Variants in ADAMTS7 observed in about 807,000 individuals in gnomAD.
ADAMTS7 encodes ADAM metallopeptidase with thrombospondin type 1 motif 7.
Under a neutral mutation model 172.6 loss-of-function variants are expected in ADAMTS7, and 89 were observed. The observed-to-expected ratio is 0.52, with a 90% CI of 0.43 to 0.61. The LOEUF (loss-of-function observed/expected upper bound fraction) is 0.61. Among genes scored for constraint, ADAMTS7 ranks in the 20% least tolerant of loss-of-function variants. The pLI is 0.00. For missense variants in ADAMTS7, 1,973 were observed against 2,355.6 expected, an observed-to-expected ratio of 0.84 and a Z score of 3.36; for synonymous variants, 885 against 978.4, an observed-to-expected ratio of 0.90 and a Z score of 1.78.
Position 78,771,566 on chromosome 15 carries a change from G to C in ADAMTS7, c.2376+19C>G, listed in dbSNP as rs1305652972. The C allele has an allele frequency of 6.3e-7, 1 of 1,586,194 alleles. No homozygotes were observed. Among genetic ancestry groups the C allele is most frequent in the Admixed American group, 1.8e-5 (1 of 57,072 alleles). ...ACTCCGCCTCTGCTCCCCCCGCCTGGGCCACGGGAGGCAGGCACCTGGATC... is the reference window on the plus strand; with the variant it reads ...ACTCCGCCTCTGCTCCCCCCGCCTGCGCCACGGGAGGCAGGCACCTGGATC... On this transcript the variant is annotated intron_variant, in intron 15 of 23. Transcript: ENST00000388820. The surrounding 1 kb of genome is among the most constrained non-coding windows in gnomAD (Gnocchi z 4.9).
rs1392835485 is a variant in ADAMTS7, at chr15:78,774,629, T to C, written c.1871A>G (p.Asn624Ser). Residue 624 changes from asparagine to serine, a missense_variant, in exon 12 of 24, where the codon AAT becomes AGT. Coordinates refer to ENST00000388820, the MANE Select transcript of ADAMTS7 (RefSeq NM_014272.5). ...GQLHTWVPVV[N>S]DVNPCELHCR... ...CCATGGGGGGCAGCACTCACCGTCA[T>C]TGACCACGGGCACCCATGTGTGCAG... 1.9e-6 allele frequency: 3 copies of C among 1,611,770 alleles called. No homozygotes were observed. The highest frequency in any genetic ancestry group is 2.5e-6 in the Non-Finnish European group (3 of 1,179,806).
At chr15:78,761,810 T>G (rs1200836297) in intron 23 of ADAMTS7, 57 of 984,040 alleles carry the variant, frequency 5.8e-5, no homozygotes, top group Non-Finnish European at 6.6e-5. Context: ...CAGAACCACC[T>G]CTACCTCAGG....
intron 19 of ADAMTS7, 83 bp from the exon 20 acceptor site, chr15:78,764,790 G>T: frequency 7.2e-7 from 1 of 1,379,910 alleles, no homozygotes; most frequent in Non-Finnish European, 9.4e-7. Flanking sequence ...ACCTAGGCTA[G>T]CGAGACCTCA....
chr15:78,776,684 G>T, intron 10 of ADAMTS7, 65 bp downstream of exon 10: 1 of 1,442,842 alleles, frequency 6.9e-7, no homozygotes. Context: ...TGACCCCAGG[G>T]CCTGGTCACA....
chr15:78,799,464 G>A (rs1281279919), intron 2 of ADAMTS7, among the ~76,000 whole-genome samples: 1 of 129,946 alleles, frequency 7.7e-6, no homozygotes, highest in Non-Finnish European at 1.9e-5. Context: ...CCAGGAAGCT[G>A]AGACCTGCTT....
At chr15:78,782,365 T>A (rs2055439681) in intron 8 of ADAMTS7, among the ~76,000 whole-genome samples, 1 of 148,900 alleles carries the variant, frequency 6.7e-6, no homozygotes, top group South Asian at 2.2e-4. Context: ...AAAACTCTTC[T>A]CTGCTTCCAA....
In ADAMTS7 at chr15:78,766,993, G is replaced by A. The variant is rs186123571; in HGVS notation, c.2918C>T (p.Thr973Ile). The A allele has an allele frequency of 1.9e-6, 3 of 1,603,098 alleles. No individual in the cohort carries two copies. Among genetic ancestry groups the A allele is most frequent in the East Asian group, 2.2e-5 (1 of 44,848 alleles). ...CTGGGCCTCGTCACAGGGGACACCG[G>A]TGTCATTGGTGCAGAGGACATTTCG... is the stretch of plus-strand genomic sequence containing the variant. Reference protein sequence around the residue: ...QRRNVLCTNDTGVPCDEAQQP... With the variant: ...QRRNVLCTNDIGVPCDEAQQP... Residue 973 changes from threonine (T) to isoleucine (I), a missense_variant, in exon 19 of 24, where the codon ACC becomes ATC. Physicochemically the swap from Thr to Ile is moderately conservative, Grantham distance 89 (BLOSUM62 -1). Coordinates refer to ENST00000388820, the MANE Select transcript of ADAMTS7 (RefSeq NM_014272.5).
At position 78,774,185 on chromosome 15, in the gene ADAMTS7, G is replaced by T; in HGVS notation, c.1992C>A (p.Cys664Ter). The T allele has an allele frequency of 6.3e-7, 1 of 1,591,846 alleles. No individual in the cohort carries two copies. The highest frequency in any genetic ancestry group is 8.5e-7 in the Non-Finnish European group (1 of 1,177,616). Residue 664 changes from cysteine to a stop codon, truncating the protein, a stop_gained, in exon 13 of 24, where the codon TGC (cysteine) becomes TGA (stop). Transcript: ENST00000388820. LOFTEE classifies it high-confidence loss of function. Reference sequence around the variant, plus strand: ...GGCACACCTTACAGATGCCGTTGATGCAGAGGTCCCGGCTGGCTCGGACCT... The same window carrying T: ...GGCACACCTTACAGATGCCGTTGATTCAGAGGTCCCGGCTGGCTCGGACCT... Reference protein sequence around the residue: ...CYQVRASRDLCINGICKNVGC... With the variant: ...CYQVRASRDL
chr15:78,765,145 G>C (rs1374646495), intron 19 of ADAMTS7: 1 of 202,212 alleles, frequency 4.9e-6, no homozygotes, highest in African/African-American at 2.3e-5. Context: ...CCAAAATTAG[G>C]GATCTGAACA....
chr15:78,806,749 TTTTTG>T lies in ADAMTS7; in HGVS notation c.100+4367_100+4371del, dbSNP rs574672115. 5.6e-3 allele frequency among the ~76,000 whole-genome samples: 847 copies of T among 152,090 alleles called. 10 individuals are homozygous for T. The highest frequency in any genetic ancestry group is 0.019 in the African/African-American group (803 of 41,504). On this transcript the variant is annotated intron_variant, in intron 1 of 23. Transcript: ENST00000388820. ...GTGGAGGCTACAACTCCAAGGCTTG[TTTTTG>T]TTTTGTTTTGTTTATGTTTTTGTTT...
At chr15:78,782,748 A>G (rs2055445915) in intron 8 of ADAMTS7, among the ~76,000 whole-genome samples, 1 of 151,916 alleles carries the variant, frequency 6.6e-6, no homozygotes, top group Non-Finnish European at 1.5e-5. Context: ...TCAGGAATGG[A>G]GTTTCCAGGG....
chr15:78,774,348 A>G (rs1171133989), intron 12 of ADAMTS7, 48 bp from the exon 13 acceptor site: 1 of 1,508,530 alleles, frequency 6.6e-7, no homozygotes, highest in East Asian at 2.4e-5. Context: ...GGGCGGGAGT[A>G]TGGAGGCCAC....
At chr15:78,801,502 G>A (rs1473822926) in intron 1 of ADAMTS7, among the ~76,000 whole-genome samples, 1 of 152,024 alleles carries the variant, frequency 6.6e-6, no homozygotes, top group South Asian at 2.1e-4. Context: ...CTCCTCTAAC[G>A]ACTTTATTTT....
intron 11 of ADAMTS7, 23 bp downstream of exon 11, chr15:78,776,165 G>C (rs113481942): frequency 1.5e-5 from 24 of 1,595,394 alleles, no homozygotes; most frequent in Non-Finnish European, 2.1e-5. Flanking sequence ...ACTGCCCAAG[G>C]GCACCCTGGG....
chr15:78,794,667 C>G (rs1297852358), intron 4 of ADAMTS7, among the ~76,000 whole-genome samples: 1 of 152,230 alleles, frequency 6.6e-6, no homozygotes, highest in Non-Finnish European at 1.5e-5. Context: ...AATCCTGTCA[C>G]CCAGGTTAAG....
rs1295732043 is a variant in ADAMTS7, at chr15:78,811,236, G to A, written c.-16C>T. The A allele has an allele frequency of 1.6e-6, 2 of 1,225,526 alleles. No homozygotes were observed. The highest frequency in any genetic ancestry group is 3.1e-5 in the African/African-American group (2 of 64,052). The allele number at this position is 1,225,526 out of a possible 1,614,324, so 75.9% of individuals were successfully genotyped here. On this transcript the variant is annotated 5_prime_UTR_variant, in exon 1 of 24. Transcript: ENST00000388820. ...CGCCGGGCATGGCAGGAACCGGGCG[G>A]CCGCCGGGTGACCCCGCGCGCACGC...
chr15:78,798,108 A>T lies in ADAMTS7; in HGVS notation c.462T>A (p.Gly154=). 6.5e-7 allele frequency: 1 copy of T among 1,550,158 alleles called. No homozygotes were observed. Among genetic ancestry groups the T allele is most frequent in the African/African-American group, 1.4e-5 (1 of 70,086 alleles). The change falls in exon 3 of 24, where the codon GGT becomes GGA. Residue 154 remains glycine, a synonymous_variant. Transcript: ENST00000388820. ...AGTCCTCGTTGGAGAGCTGGAACAC[A>T]CCTTTCTGGGGAAGAAGCACCAGGG... ...AAISACDGLK[G]VFQLSNEDYF...
chr15:78,763,450 A>T (rs558260503), intron 22 of ADAMTS7, among the ~76,000 whole-genome samples: 6 of 151,062 alleles, frequency 4.0e-5, no homozygotes, highest in African/African-American at 1.5e-4. Context: ...GGCATCACTG[A>T]CTCCTCCCTC....
At chr15:78,785,117 G>T (rs1196630950) in intron 8 of ADAMTS7, among the ~76,000 whole-genome samples, 1 of 152,212 alleles carries the variant, frequency 6.6e-6, no homozygotes, top group Non-Finnish European at 1.5e-5. Flanking sequence ...GTCCAAGAAA[G>T]AAGGGAACTG....
Sources: allele counts gnomAD v4.1 joint callset (sites outside exome capture counted in the v4.1 genomes callset), GRCh38; gene constraint gnomAD v4.1.1; non-coding constraint Gnocchi (gnomAD v3.1); transcripts MANE v1.5; gene names NCBI Gene and HGNC (gene_info 2026-07-23, HGNC 2026-07-21).